Variants in ATRNL1 observed in about 807,000 individuals in gnomAD.
The protein encoded by ATRNL1 is attractin-like protein 1.
In ATRNL1, 95 loss-of-function variants were observed where a neutral mutation model predicts 182.7. The observed-to-expected ratio is 0.52, with a 90% CI of 0.44 to 0.62. The LOEUF is 0.62. Ranked by LOEUF, ATRNL1 falls within the 20% of genes least tolerant of loss-of-function variation. The pLI, the probability that ATRNL1 is intolerant of heterozygous loss-of-function variation, is 0.00. For missense variants in ATRNL1, 1,471 were observed against 1,679.5 expected, an observed-to-expected ratio of 0.88 and a Z score of 2.17; for synonymous variants, 576 against 568.3, an observed-to-expected ratio of 1.01 and a Z score of -0.19.
At chr10:115,874,986 G>A (rs1951669919) in intron 28 of ATRNL1, among the ~76,000 whole-genome samples, 1 of 152,164 alleles carries the variant, frequency 6.6e-6, no homozygotes, top group Non-Finnish European at 1.5e-5. Flanking sequence ...GGGATCAGAA[G>A]CTAAAGATCA....
intron 26 of ATRNL1, among the ~76,000 whole-genome samples, chr10:115,581,909 A>C (rs1246869029): frequency 1.4e-4 from 14 of 98,516 alleles, no homozygotes; most frequent in Non-Finnish European, 2.3e-4. Context: ...CCCACCCCAC[A>C]ACAGGCCCCA....
At chr10:115,782,712 C>T (rs896411567) in intron 27 of ATRNL1, among the ~76,000 whole-genome samples, 6 of 152,184 alleles carry the variant, frequency 3.9e-5, no homozygotes, top group African/African-American at 1.4e-4. Flanking sequence ...CTCTGACCTT[C>T]AGATTTTCAA....
intron 27 of ATRNL1, among the ~76,000 whole-genome samples, chr10:115,806,582 A>G (rs1273191430): frequency 6.6e-6 from 1 of 152,124 alleles, no homozygotes; most frequent in Non-Finnish European, 1.5e-5. Context: ...TCTTAAGGCA[A>G]ATTTGACAAA....
At chr10:115,492,580 T>C (rs879991681) in intron 24 of ATRNL1, among the ~76,000 whole-genome samples, 10 of 148,136 alleles carry the variant, frequency 6.8e-5, no homozygotes, top group Non-Finnish European at 1.3e-4. Context: ...TTATATTTCA[T>C]TTACTTTATA....
At chr10:115,525,390 G>T (rs1321220146) in intron 25 of ATRNL1, among the ~76,000 whole-genome samples, 12 of 152,110 alleles carry the variant, frequency 7.9e-5, no homozygotes, top group African/African-American at 2.9e-4. Context: ...CTATTACATT[G>T]GGTCTCCATC....
chr10:115,460,975 C>A (rs1362500878), intron 21 of ATRNL1, among the ~76,000 whole-genome samples: 1 of 151,970 alleles, frequency 6.6e-6, no homozygotes, highest in African/African-American at 2.4e-5. Flanking sequence ...CCTATAAATT[C>A]TTATACAAAA....
intron 24 of ATRNL1, among the ~76,000 whole-genome samples, chr10:115,472,683 A>G (rs1848359141): frequency 6.6e-6 from 1 of 150,996 alleles, no homozygotes; most frequent in African/African-American, 2.4e-5. Flanking sequence ...TGATTTTTGT[A>G]TGTTGGTTTT....
chr10:115,187,714 T>A (rs1342369861), intron 8 of ATRNL1, among the ~76,000 whole-genome samples: 1 of 144,760 alleles, frequency 6.9e-6, no homozygotes, highest in East Asian at 2.0e-4. Flanking sequence ...TTTTTTGAGA[T>A]GGAGTCTCCC....
At chr10:115,534,377 C>A (rs11517124) in intron 25 of ATRNL1, among the ~76,000 whole-genome samples, 1 of 145,480 alleles carries the variant, frequency 6.9e-6, no homozygotes, top group Non-Finnish European at 1.5e-5. Context: ...TTTGTCTCTT[C>A]TGATCTTTGT....
Position 115,209,683 on chromosome 10 carries a change from A to G in ATRNL1, c.1349-6014A>G, listed in dbSNP as rs569296870. Among the ~76,000 whole-genome samples, 21 of 151,954 alleles carry G rather than the reference A, an allele frequency of 1.4e-4. No individual in the cohort carries two copies. In the South Asian group the frequency reaches 4.3e-3, roughly 31 times the overall value. On this transcript the variant is annotated intron_variant, in intron 8 of 28. Coordinates refer to ENST00000355044, the MANE Select transcript of ATRNL1 (RefSeq NM_207303.4). ...AAGCACACTACCAAATTGAAAAAAA[A>G]TTCACGCATATGCAAATAACAACAG...
intron 27 of ATRNL1, among the ~76,000 whole-genome samples, chr10:115,815,255 G>A (rs1267668091): frequency 6.6e-6 from 1 of 152,128 alleles, no homozygotes; most frequent in Non-Finnish European, 1.5e-5. Flanking sequence ...CGTATTGTGA[G>A]AACTCTACAT....
chr10:115,873,904 A>G (rs904572521), intron 28 of ATRNL1, among the ~76,000 whole-genome samples: 13 of 152,198 alleles, frequency 8.5e-5, no homozygotes, highest in African/African-American at 2.2e-4. Flanking sequence ...AATTGCATCG[A>G]TCAGTTAAAG....
chr10:115,162,000 T>G (rs1483638443), intron 6 of ATRNL1, among the ~76,000 whole-genome samples: 1 of 152,114 alleles, frequency 6.6e-6, no homozygotes, highest in Admixed American at 6.6e-5. Context: ...TTACAGAATA[T>G]ATATACATTA....
chr10:115,327,637 G>A (rs1344459697), intron 18 of ATRNL1, among the ~76,000 whole-genome samples: 29 of 149,984 alleles, frequency 1.9e-4, no homozygotes, highest in African/African-American at 5.9e-4. Context: ...ACATGCACAC[G>A]TATGTTTATT....
chr10:115,704,446 CG>C (rs1946835629), intron 26 of ATRNL1, among the ~76,000 whole-genome samples: 1 of 151,704 alleles, frequency 6.6e-6, no homozygotes. Flanking sequence ...CTCTGACATA[CG>C]AGGGTTTAGG....
At chr10:115,730,250 C>T (rs1348103481) in intron 27 of ATRNL1, among the ~76,000 whole-genome samples, 13 of 74,230 alleles carry the variant, frequency 1.8e-4, no homozygotes, top group African/African-American at 7.5e-4. Context: ...GAGTAGGACT[C>T]CTCAAAAAAA....
In ATRNL1 at chr10:115,500,591, T is replaced by G. The variant is rs183596907; in HGVS notation, c.3655-18672T>G. 8.5e-4 allele frequency among the ~76,000 whole-genome samples: 129 copies of G among 152,276 alleles called. 3 individuals are homozygous for G. In the East Asian group the frequency reaches 0.023, roughly 28 times the overall value. ...GGAGTTTTGCTCTTGTTGCCCAGGCTGGAGTGCAATGGTGTGATCTCAGCT... is the reference window on the plus strand; with the variant it reads ...GGAGTTTTGCTCTTGTTGCCCAGGCGGGAGTGCAATGGTGTGATCTCAGCT... On this transcript the variant is annotated intron_variant, in intron 24 of 28. Coordinates refer to ENST00000355044, the MANE Select transcript of ATRNL1 (RefSeq NM_207303.4).
rs1352750974 is a variant in ATRNL1, at chr10:115,945,625, C to A, written c.*846C>A. The A allele has an allele frequency of 6.6e-6, 1 of 152,112 alleles. No homozygotes were observed. The highest frequency in any genetic ancestry group is 1.5e-5 in the Non-Finnish European group (1 of 68,012). The allele number at this position is 152,112 out of a possible 1,614,324, so 9.4% of individuals were successfully genotyped here. Reference sequence around the variant, plus strand: ...CTCCAGTATGATAATTTTTAATTGCCTAAGAATCATTGGATCAGACCTAAA... The same window carrying A: ...CTCCAGTATGATAATTTTTAATTGCATAAGAATCATTGGATCAGACCTAAA... On this transcript the variant is annotated 3_prime_UTR_variant, in exon 29 of 29. Coordinates refer to ENST00000355044, the MANE Select transcript of ATRNL1 (RefSeq NM_207303.4).
intron 26 of ATRNL1, among the ~76,000 whole-genome samples, chr10:115,681,449 A>G (rs1191709152): frequency 2.0e-5 from 3 of 152,148 alleles, no homozygotes; most frequent in Non-Finnish European, 4.4e-5. Context: ...TGATAGCAGT[A>G]GGTTCAGCAG....
Sources: allele counts gnomAD v4.1 joint callset (sites outside exome capture counted in the v4.1 genomes callset), GRCh38; gene constraint gnomAD v4.1.1; transcripts MANE v1.5; gene names NCBI Gene and HGNC (gene_info 2026-07-23, HGNC 2026-07-21).